Variants in MCM9 observed in about 807,000 individuals in gnomAD.
MCM9 encodes minichromosome maintenance 9 homologous recombination repair factor.
In MCM9, 55 loss-of-function variants were observed where a neutral mutation model predicts 72.8. The ratio of observed to expected loss-of-function variants is 0.76; its 90% CI spans 0.61 to 0.95. The LOEUF (loss-of-function observed/expected upper bound fraction) is 0.95, where lower values mean the gene tolerates loss of function less well. MCM9 is among the 40% of genes least tolerant of loss of function. The probability of loss-of-function intolerance (pLI) is 0.00; values close to 1 mark genes in which losing one functional copy is unlikely to be tolerated. For synonymous variants in MCM9, 480 were observed against 503.4 expected (o/e 0.95, Z 0.62); for missense variants, 1,279 against 1,377.0 (o/e 0.93, Z 1.13).
intron 8 of MCM9, among the ~76,000 whole-genome samples, chr6:118,860,990 G>A (rs1776864168): frequency 6.6e-6 from 1 of 152,182 alleles, no homozygotes; most frequent in African/African-American, 2.4e-5. Context: ...CAGCCCAGCA[G>A]GCTGCGCTTG....
intron 9 of MCM9, among the ~76,000 whole-genome samples, chr6:118,840,799 G>A (rs529552959): frequency 7.3e-6 from 1 of 137,696 alleles, no homozygotes; most frequent in Non-Finnish European, 1.5e-5. Context: ...GTACAGTGGT[G>A]CAATCACAGC....
chr6:118,814,352 T>C lies in MCM9; in HGVS notation c.*472A>G, dbSNP rs190366444. ...TGATTTTGGCAAATCATCCAAGTGA[T>C]TATATTCACTGTACTTAGCCCATTC... On this transcript the variant is annotated 3_prime_UTR_variant, in exon 14 of 14. Transcript: ENST00000619706. 17 of 152,092 alleles carry C rather than the reference T, an allele frequency of 1.1e-4. No homozygotes were observed. Among genetic ancestry groups the C allele is most frequent in the African/African-American group, 4.1e-4 (17 of 41,242 alleles). 9.4% of individuals were successfully genotyped at this position (152,092 alleles called of 1,614,324 possible).
chr6:118,839,131 C>T (rs1453397020), intron 9 of MCM9, among the ~76,000 whole-genome samples: 2 of 151,892 alleles, frequency 1.3e-5, no homozygotes, highest in African/African-American at 4.8e-5. Flanking sequence ...CCTTTTCATT[C>T]TTTTTTCTCT....
At chr6:118,923,029 C>CAAAAAAAAA (rs780562520) in intron 4 of MCM9, among the ~76,000 whole-genome samples, 6 of 43,508 alleles carry the variant, frequency 1.4e-4, no homozygotes, top group Non-Finnish European at 2.1e-4. Context: ...AACTCCATCT[C>CAAAAAAAAA]AAAAAAAAAA....
intron 6 of MCM9, among the ~76,000 whole-genome samples, 188 bp from the exon 7 acceptor site, chr6:118,913,608 C>CTG (rs1360559274): frequency 6.6e-6 from 1 of 151,994 alleles, no homozygotes; most frequent in Non-Finnish European, 1.5e-5. Flanking sequence ...TCAAAATGTC[C>CTG]TGTTTTTTTG....
rs901956148 is a variant in MCM9, at chr6:118,826,873, A to G, written c.1733-9T>C. On this transcript the variant is annotated splice_polypyrimidine_tract_variant and intron_variant, in intron 11 of 13. Transcript: ENST00000619706. ...CATCAGGCGAGCATGAGCTAAGAAAACAAAACACATTTGTTTTTTAGGAAT... is the reference window on the plus strand; with the variant it reads ...CATCAGGCGAGCATGAGCTAAGAAAGCAAAACACATTTGTTTTTTAGGAAT... The G allele has an allele frequency of 3.2e-5, 49 of 1,546,864 alleles. No individual in the cohort carries two copies. The highest frequency in any genetic ancestry group is 1.7e-4 in the Middle Eastern group (1 of 6,002).
At chr6:118,920,149 T>C (rs1320841156) in intron 5 of MCM9, 1 of 152,208 alleles carries the variant, frequency 6.6e-6, no homozygotes, top group Non-Finnish European at 1.5e-5. Flanking sequence ...AGGCTGAGCT[T>C]ATATAAGAAC....
rs953484320 is a variant in MCM9, at chr6:118,871,814, G to A, written c.1151-15269C>T. Among the ~76,000 whole-genome samples the A allele has an allele frequency of 3.9e-5, 6 of 152,258 alleles. No individual in the cohort carries two copies. The East Asian group carries it at 7.7e-4, about 20-fold the overall frequency. ...CCCAGCTACTCAGGAGGCTGAGGCA[G>A]GAGAATGGTTTGAGCCTGGGAGGCA... On this transcript the variant is annotated intron_variant, in intron 8 of 13. Transcript: ENST00000619706.
At chr6:118,826,554 C>T (rs901923532) in intron 12 of MCM9, among the ~76,000 whole-genome samples, 7 of 152,204 alleles carry the variant, frequency 4.6e-5, no homozygotes, top group African/African-American at 1.4e-4. Flanking sequence ...ACGATCGAAG[C>T]GCACTACTTT....
intron 6 of MCM9, among the ~76,000 whole-genome samples, chr6:118,914,372 C>A (rs73521371): frequency 6.6e-6 from 1 of 152,238 alleles, no homozygotes; most frequent in African/African-American, 2.4e-5. Flanking sequence ...TATGGAATTC[C>A]AACAAGCCAT....
At chr6:118,885,922 A>G (rs1357203948) in intron 8 of MCM9, among the ~76,000 whole-genome samples, 1 of 152,176 alleles carries the variant, frequency 6.6e-6, no homozygotes, top group Non-Finnish European at 1.5e-5. Context: ...ACAAAATACT[A>G]GCAAACTAAA....
At chr6:118,830,733 G>T (rs1042669838) in intron 9 of MCM9, among the ~76,000 whole-genome samples, 13 of 152,250 alleles carry the variant, frequency 8.5e-5, no homozygotes, top group Middle Eastern at 3.4e-3. Context: ...TTAATGCTAG[G>T]TCAAATGAAT....
At chr6:118,904,477 A>T (rs1417695841) in intron 8 of MCM9, among the ~76,000 whole-genome samples, 1 of 152,166 alleles carries the variant, frequency 6.6e-6, no homozygotes, top group Non-Finnish European at 1.5e-5. Flanking sequence ...ACCACCCAGA[A>T]TGGCTGCCTC....
intron 8 of MCM9, among the ~76,000 whole-genome samples, chr6:118,869,599 C>CAAAAAAAAAAAAAAAAA: frequency 1.5e-4 from 9 of 58,294 alleles, no homozygotes; most frequent in Admixed American, 2.3e-4. Context: ...AAAGGATTTA[C>CAAAAAAAAAAAAAAAAA]AAAAAAAAAA....
At chr6:118,916,460 A>ATTATT (rs941705569) in intron 6 of MCM9, among the ~76,000 whole-genome samples, 1 of 147,742 alleles carries the variant, frequency 6.8e-6, no homozygotes, top group Non-Finnish European at 1.5e-5. Context: ...TATTATTATT[A>ATTATT]TTATTATTAT....
intron 8 of MCM9, among the ~76,000 whole-genome samples, chr6:118,910,367 C>T (rs898587086): frequency 9.2e-5 from 14 of 151,976 alleles, no homozygotes; most frequent in African/African-American, 1.9e-4. Context: ...ATTCTATAAC[C>T]GTAAAATTTA....
intron 8 of MCM9, chr6:118,911,177 A>G (rs1780519036): frequency 1.0e-6 from 1 of 985,354 alleles, no homozygotes; most frequent in Non-Finnish European, 1.2e-6. Context: ...TCCACATTGC[A>G]ATGATGGAAG....
chr6:118,916,844 G>A (rs1365944020), intron 6 of MCM9, among the ~76,000 whole-genome samples: 1 of 152,174 alleles, frequency 6.6e-6, no homozygotes, highest in East Asian at 1.9e-4. Context: ...AATTTAGCAT[G>A]TGATTTAAGA....
At chr6:118,896,914 C>T (rs899818765) in intron 8 of MCM9, among the ~76,000 whole-genome samples, 2 of 152,038 alleles carry the variant, frequency 1.3e-5, no homozygotes, top group African/African-American at 4.8e-5. Context: ...CACAGCTGCT[C>T]CCTGCAGCCT....
Sources: gnomAD v4.1 joint callset for allele counts (sites outside exome capture counted in the v4.1 genomes callset) on GRCh38, gnomAD v4.1.1 for gene constraint, MANE v1.5 for transcripts, NCBI Gene and HGNC (gene_info 2026-07-23, HGNC 2026-07-21) for gene names.